TMEM178B: variants seen among roughly 807,000 people sequenced by gnomAD.
The protein encoded by TMEM178B is transmembrane protein 178B.
TMEM178B carries 5 observed loss-of-function variants against 31.0 expected under a neutral mutation model. That is an observed-to-expected ratio of 0.16 (90% CI 0.08 to 0.34). TMEM178B has a LOEUF of 0.34. Ranked by LOEUF, TMEM178B falls within the 10% of genes least tolerant of loss-of-function variation. TMEM178B has a pLI of 1.00. For synonymous variants in TMEM178B, 164 were observed against 164.0 expected (o/e 1.00, Z 0.00); for missense variants, 275 against 400.3 (o/e 0.69, Z 2.67).
chr7:141,133,471 C>T (rs1443606400), intron 1 of TMEM178B, among the ~76,000 whole-genome samples: 4 of 151,960 alleles, frequency 2.6e-5, no homozygotes, highest in African/African-American at 7.3e-5. Context: ...GCTTCGATAA[C>T]AGACTAAATC....
chr7:141,264,287 G>C (rs1406348438), intron 2 of TMEM178B, among the ~76,000 whole-genome samples: 1 of 152,212 alleles, frequency 6.6e-6, no homozygotes, highest in East Asian at 1.9e-4. Flanking sequence ...CAAGGCCTTA[G>C]AGACGACCTC....
At chr7:141,426,804 C>A (rs189262048) in intron 2 of TMEM178B, among the ~76,000 whole-genome samples, 4 of 151,990 alleles carry the variant, frequency 2.6e-5, no homozygotes, top group South Asian at 2.1e-4. Flanking sequence ...CCTAAACACT[C>A]CATTAAAAAG....
At chr7:141,310,018 G>A (rs1266203169) in intron 2 of TMEM178B, among the ~76,000 whole-genome samples, 1 of 152,148 alleles carries the variant, frequency 6.6e-6, no homozygotes, top group African/African-American at 2.4e-5. Flanking sequence ...TCAGGCTATA[G>A]GCATGGGCAA....
Position 141,405,632 on chromosome 7 carries a change from AGACTCCTGACAACTG to A in TMEM178B, c.497-31968_497-31954del, listed in dbSNP as rs1263751394. 4.6e-5 allele frequency among the ~76,000 whole-genome samples: 7 copies of A among 152,324 alleles called. No homozygotes were observed. The East Asian group carries it at 1.4e-3, about 29-fold the overall frequency. On this transcript the variant is annotated intron_variant, in intron 2 of 3. Transcript: ENST00000565468. ...CCCACATCATACACAAACCAAACCC[AGACTCCTGACAACTG>A]GACTCCTTCACCAGGTTGTGCACCT...
intron 2 of TMEM178B, among the ~76,000 whole-genome samples, chr7:141,371,196 G>A (rs1023790022): frequency 1.5e-4 from 23 of 152,182 alleles, no homozygotes; most frequent in African/African-American, 4.3e-4. Context: ...CCTAATGGGA[G>A]GTGCTCGCAT....
intron 2 of TMEM178B, among the ~76,000 whole-genome samples, chr7:141,278,027 A>G (rs1798293991): frequency 6.6e-6 from 1 of 152,218 alleles, no homozygotes; most frequent in South Asian, 2.1e-4. Context: ...ATAACAATAA[A>G]TACAACAGGG....
intron 3 of TMEM178B, among the ~76,000 whole-genome samples, chr7:141,444,037 G>A (rs1301384744): frequency 6.6e-6 from 1 of 152,106 alleles, no homozygotes; most frequent in Non-Finnish European, 1.5e-5. Context: ...TTTGCTTGTT[G>A]GAGCACTTAG....
In TMEM178B at chr7:141,477,862, G is replaced by A. The variant is rs1802402063; in HGVS notation, c.*7076G>A. 1 of 152,230 alleles carries A rather than the reference G, an allele frequency of 6.6e-6. No individual in the cohort carries two copies. Among genetic ancestry groups the A allele is most frequent in the African/African-American group, 2.4e-5 (1 of 41,456 alleles). 9.4% of individuals were successfully genotyped at this position (152,230 alleles called of 1,614,324 possible). On this transcript the variant is annotated 3_prime_UTR_variant, in exon 4 of 4. Coordinates refer to ENST00000565468, the MANE Select transcript of TMEM178B (RefSeq NM_001195278.2). Reference sequence around the variant, plus strand: ...GAAAGTGACCTTGAGCTAGCAGCCAGTTTGCACTCAGAGTCCAGAGCCTTC... The same window carrying A: ...GAAAGTGACCTTGAGCTAGCAGCCAATTTGCACTCAGAGTCCAGAGCCTTC...
chr7:141,498,262 T>C, the TMEM178B span, among the ~76,000 whole-genome samples: 1 of 152,210 alleles, frequency 6.6e-6, no homozygotes, highest in African/African-American at 2.4e-5. Context: ...ACAGGGACTA[T>C]AGGAATAAGA....
intron 2 of TMEM178B, among the ~76,000 whole-genome samples, chr7:141,215,096 T>C (rs1657825774): frequency 6.6e-6 from 1 of 152,102 alleles, no homozygotes; most frequent in South Asian, 2.1e-4. Context: ...ATAGGAAGTG[T>C]CGATTTTAAT....
At chr7:141,333,773 T>C (rs1397769166) in intron 2 of TMEM178B, among the ~76,000 whole-genome samples, 1 of 152,206 alleles carries the variant, frequency 6.6e-6, no homozygotes, top group Admixed American at 6.5e-5. Flanking sequence ...GGGCGGAGAA[T>C]GGTTTCAGGA....
At chr7:141,482,242 C>T (rs530485558), downstream of TMEM178B, among the ~76,000 whole-genome samples, 6 of 152,302 alleles carry the variant, frequency 3.9e-5, no homozygotes, top group Non-Finnish European at 7.3e-5. Context: ...TTCCAAGAGC[C>T]GTAACCAAGC....
intron 1 of TMEM178B, among the ~76,000 whole-genome samples, chr7:141,164,566 T>C (rs1029492061): frequency 6.6e-6 from 1 of 152,316 alleles, no homozygotes; most frequent in Admixed American, 6.5e-5. Flanking sequence ...TTGGACTAGA[T>C]GGAATTTAAG....
chr7:141,432,747 C>A (rs1801459365), intron 2 of TMEM178B, among the ~76,000 whole-genome samples: 1 of 152,160 alleles, frequency 6.6e-6, no homozygotes, highest in African/African-American at 2.4e-5. Flanking sequence ...TGTTTCTGCA[C>A]ACTGTTTTTC....
At chr7:141,101,064 G>A (rs1184545231) in intron 1 of TMEM178B, among the ~76,000 whole-genome samples, 1 of 152,160 alleles carries the variant, frequency 6.6e-6, no homozygotes, top group Non-Finnish European at 1.5e-5. Flanking sequence ...AGGAGATAAT[G>A]TAAATTTCCA....
chr7:141,128,143 A>C (rs965315677), intron 1 of TMEM178B, among the ~76,000 whole-genome samples: 1 of 152,180 alleles, frequency 6.6e-6, no homozygotes, highest in Non-Finnish European at 1.5e-5. Flanking sequence ...AATAAAAGGG[A>C]CACTATTAAT....
chr7:141,371,959 A>T (rs1283390671), intron 2 of TMEM178B, among the ~76,000 whole-genome samples: 1 of 152,202 alleles, frequency 6.6e-6, no homozygotes. Flanking sequence ...GTGTACAATT[A>T]TCTGTTATTT....
intron 2 of TMEM178B, among the ~76,000 whole-genome samples, chr7:141,382,961 C>T (rs1300022968): frequency 6.6e-6 from 1 of 152,208 alleles, no homozygotes; most frequent in African/African-American, 2.4e-5. Context: ...TTTATCATCA[C>T]TGCCCCATTC....
intron 2 of TMEM178B, among the ~76,000 whole-genome samples, chr7:141,401,158 C>T (rs1800754866): frequency 6.6e-6 from 1 of 152,188 alleles, no homozygotes; most frequent in African/African-American, 2.4e-5. Context: ...AAGTTAAAAA[C>T]ATGACTCTCA....
Sources: allele counts gnomAD v4.1 joint callset (sites outside exome capture counted in the v4.1 genomes callset), GRCh38; gene constraint gnomAD v4.1.1; transcripts MANE v1.5; gene names NCBI Gene and HGNC (gene_info 2026-07-23, HGNC 2026-07-21).